HECA: variants seen among roughly 807,000 people sequenced by gnomAD.
HECA encodes headcase protein homolog.
Under a neutral mutation model 37.6 loss-of-function variants are expected in HECA, and 13 were observed. The observed-to-expected ratio is 0.35, with a 90% confidence interval of 0.23 to 0.55. The LOEUF is 0.55. Ranked by LOEUF, HECA falls within the 20% of genes least tolerant of loss-of-function variation. The pLI is 0.90. For missense variants in HECA, 527 were observed against 701.9 expected (o/e 0.75, Z 2.82); for synonymous variants, 307 against 291.5 (o/e 1.05, Z -0.54).
chr6:139,141,071 T>C (rs1774507775), intron 1 of HECA, among the ~76,000 whole-genome samples: 1 of 152,226 alleles, frequency 6.6e-6, no homozygotes, highest in South Asian at 2.1e-4. Context: ...ATTACAGGCG[T>C]GAGCCAGCGC....
chr6:139,156,869 T>C (rs1165717623), intron 1 of HECA, among the ~76,000 whole-genome samples: 3 of 152,180 alleles, frequency 2.0e-5, no homozygotes, highest in East Asian at 1.9e-4. Context: ...TAGGGAAAGA[T>C]GGATTAGGTT....
rs1775058584 is a variant in HECA at position 139,176,847 on chromosome 6, C to T, written c.1468-94C>T. On this transcript the variant is annotated intron_variant, in intron 3 of 3. Coordinates refer to ENST00000367658, the MANE Select transcript of HECA (RefSeq NM_016217.3). The surrounding 1 kb of genome is among the most constrained non-coding windows in gnomAD (Gnocchi z 4.5). ...TAGTAAAAGGGATGCTTTGCAAAGC[C>T]CTTGATCAGTTTCCCAGCATTTTGG... The T allele has an allele frequency of 1.3e-6, 1 of 742,158 alleles. No homozygotes were observed. Among genetic ancestry groups the T allele is most frequent in the Admixed American group, 2.1e-5 (1 of 47,510 alleles). The allele number at this position is 742,158 out of a possible 1,614,324, so 46.0% of individuals were successfully genotyped here.
chr6:139,154,532 A>G (rs1774690381), intron 1 of HECA, among the ~76,000 whole-genome samples: 1 of 152,204 alleles, frequency 6.6e-6, no homozygotes. Context: ...TGTGAGTTGT[A>G]TTTTCTAACC....
chr6:139,142,818 G>C (rs953531034), intron 1 of HECA, among the ~76,000 whole-genome samples: 1 of 152,088 alleles, frequency 6.6e-6, no homozygotes, highest in African/African-American at 2.4e-5. Flanking sequence ...CATGGTGGCG[G>C]GCTCCTGTAA....
chr6:139,143,431 G>T (rs964598495), intron 1 of HECA, among the ~76,000 whole-genome samples: 5 of 152,128 alleles, frequency 3.3e-5, no homozygotes, highest in African/African-American at 9.7e-5. Flanking sequence ...TTCAAGCACT[G>T]CTTTGACTCA....
At position 139,166,335 on chromosome 6, in the gene HECA, T is replaced by G; in HGVS notation, c.323T>G (p.Leu108Arg). Residue 108 changes from leucine to arginine, a missense_variant, in exon 2 of 4, where the codon CTG (leucine) becomes CGG (arginine). Around this residue, in one of 4 missense-constraint regions of HECA, gnomAD observed 172 missense variants for 197.6 expected, o/e 0.87. Coordinates refer to ENST00000367658, the MANE Select transcript of HECA (RefSeq NM_016217.3). ...LICSFGRPVD[L>R]EKDDYQKVVC... ...TGCAGCTTCGGTAGGCCGGTGGACC[T>G]GGAGAAGGACGACTACCAGAAGGTG... is the stretch of plus-strand genomic sequence containing the variant. 1 of 1,613,486 alleles carries G rather than the reference T, an allele frequency of 6.2e-7. No individual in the cohort carries two copies. Among genetic ancestry groups the G allele is most frequent in the Non-Finnish European group, 8.5e-7 (1 of 1,179,490 alleles).
At chr6:139,175,217 A>G (rs1775034393) in intron 3 of HECA, among the ~76,000 whole-genome samples, 2 of 152,238 alleles carry the variant, frequency 1.3e-5, no homozygotes, top group Non-Finnish European at 2.9e-5. Flanking sequence ...GCTTGGAAAT[A>G]TCTTGCTTTA....
chr6:139,153,086 C>T (rs191059073), intron 1 of HECA: 58 of 152,326 alleles, frequency 3.8e-4, no homozygotes, highest in Admixed American at 3.2e-3. Flanking sequence ...GGCCTAATTA[C>T]AGGAGCTCCT....
intron 2 of HECA, among the ~76,000 whole-genome samples, chr6:139,173,490 G>C (rs1021034966): frequency 6.6e-6 from 1 of 152,166 alleles, no homozygotes; most frequent in Admixed American, 6.5e-5. Context: ...GAGTGCTGAA[G>C]ACCCATAGTC....
chr6:139,139,749 C>T (rs533293514), intron 1 of HECA, among the ~76,000 whole-genome samples: 7 of 152,366 alleles, frequency 4.6e-5, no homozygotes, highest in Non-Finnish European at 7.4e-5. Context: ...GGGCTCCCCC[C>T]AGGAAGAGAG....
At chr6:139,140,847 G>A (rs1487719160) in intron 1 of HECA, among the ~76,000 whole-genome samples, 1 of 152,140 alleles carries the variant, frequency 6.6e-6, no homozygotes, top group Non-Finnish European at 1.5e-5. Context: ...CTGGAGTGCA[G>A]TGGCACTATC....
At chr6:139,146,845 C>T (rs936712714) in intron 1 of HECA, among the ~76,000 whole-genome samples, 32 of 152,134 alleles carry the variant, frequency 2.1e-4, no homozygotes, top group Middle Eastern at 3.2e-3. Context: ...TTCTTTACCT[C>T]GGTAATGATA....
intron 1 of HECA, among the ~76,000 whole-genome samples, chr6:139,145,037 G>A (rs1774565994): frequency 6.6e-6 from 1 of 152,206 alleles, no homozygotes; most frequent in African/African-American, 2.4e-5. Flanking sequence ...TCGTACCTAG[G>A]TAGAAAGTGT....
chr6:139,141,993 C>G (rs1291208668), intron 1 of HECA, among the ~76,000 whole-genome samples: 1 of 133,882 alleles, frequency 7.5e-6, no homozygotes, highest in Admixed American at 8.8e-5. Flanking sequence ...GTGGTGTGAT[C>G]TCGTCTCACT....
intron 1 of HECA, chr6:139,144,078 G>A (rs939077284): frequency 1.3e-5 from 2 of 152,238 alleles, no homozygotes. Context: ...CCAGGGCTTA[G>A]TGTTACTGAG....
intron 1 of HECA, among the ~76,000 whole-genome samples, chr6:139,150,159 T>C (rs976449274): frequency 2.0e-5 from 3 of 152,272 alleles, no homozygotes; most frequent in Non-Finnish European, 2.9e-5. Context: ...CTTTCATGGT[T>C]TCCTTACTTC....
At chr6:139,148,745 A>G (rs548760922) in intron 1 of HECA, among the ~76,000 whole-genome samples, 26 of 152,066 alleles carry the variant, frequency 1.7e-4, no homozygotes, top group African/African-American at 6.3e-4. Flanking sequence ...CAGCCTGGGC[A>G]TTAGAGGGAG....
At chr6:139,155,799 A>G (rs561433959) in intron 1 of HECA, 1 of 152,344 alleles carries the variant, frequency 6.6e-6, no homozygotes. Flanking sequence ...TTTCTTTTCT[A>G]GTACAGTGTG....
intron 1 of HECA, among the ~76,000 whole-genome samples, chr6:139,146,180 A>T (rs1036276204): frequency 5.3e-5 from 8 of 152,164 alleles, no homozygotes; most frequent in Admixed American, 5.2e-4. Context: ...ATGCCTTAAG[A>T]TTTATTCCTT....
Sources: gnomAD v4.1 joint callset for allele counts (sites outside exome capture counted in the v4.1 genomes callset) on GRCh38, gnomAD v4.1.1 for gene constraint, gnomAD v4.1.1 regional missense constraint, Gnocchi (gnomAD v3.1) non-coding constraint, MANE v1.5 for transcripts, NCBI Gene and HGNC (gene_info 2026-07-23, HGNC 2026-07-21) for gene names.